EPRS1: variants seen among roughly 807,000 people sequenced by gnomAD.
EPRS1 encodes glutamyl-prolyl-tRNA synthetase 1.
In EPRS1, 107 loss-of-function variants were observed where a neutral mutation model predicts 188.3. That is an observed-to-expected ratio of 0.57 (90% CI 0.49 to 0.67). EPRS1 has a LOEUF of 0.67. Ranked by LOEUF, EPRS1 falls within the 30% of genes least tolerant of loss-of-function variation. The pLI is 0.00. For synonymous variants in EPRS1, 596 were observed against 593.1 expected (o/e 1.00, Z -0.07); for missense variants, 1,577 against 1,802.2 (o/e 0.88, Z 2.26).
intron 28 of EPRS1, among the ~76,000 whole-genome samples, chr1:219,975,845 T>A (rs201242785): frequency 0.46 from 69,985 of 151,956 alleles, 16,221 homozygotes; most frequent in South Asian, 0.52. Flanking sequence ...CATATCTGTA[T>A]GTGTGTATGG....
At position 220,019,099 on chromosome 1, in the gene EPRS1, A is replaced by C; in HGVS notation, c.1350-20T>G. On this transcript the variant is annotated intron_variant, in intron 10 of 31. Transcript: ENST00000366923. ...TCATCCCTGGAAATATGTAAATTTT[A>C]AGTACCAAGGAAATTTTGTAATGTG... is the stretch of plus-strand genomic sequence containing the variant. The C allele has an allele frequency of 6.6e-7, 1 of 1,513,480 alleles. No individual in the cohort carries two copies. Among genetic ancestry groups the C allele is most frequent in the Non-Finnish European group, 9.2e-7 (1 of 1,088,982 alleles). The allele number at this position is 1,513,480 out of a possible 1,614,324, so 93.8% of individuals were successfully genotyped here.
At chr1:220,017,867 A>C (rs2102587794) in intron 12 of EPRS1, among the ~76,000 whole-genome samples, 1 of 152,316 alleles carries the variant, frequency 6.6e-6, no homozygotes, top group African/African-American at 2.4e-5. Context: ...ACTCAATGAA[A>C]TACATACTTT....
intron 6 of EPRS1, among the ~76,000 whole-genome samples, chr1:220,026,539 T>G (rs572331106): frequency 4.0e-5 from 6 of 148,384 alleles, no homozygotes; most frequent in East Asian, 2.0e-4. Context: ...GTTTTGTTTG[T>G]TTTTTTTTTG....
chr1:220,007,152 T>C (rs758467359), intron 14 of EPRS1, 50 bp downstream of exon 14: 5 of 1,503,012 alleles, frequency 3.3e-6, no homozygotes, highest in Non-Finnish European at 4.5e-6. Flanking sequence ...TAAACACAAA[T>C]AAAATACTTT....
Position 219,987,122 on chromosome 1 carries a change from A to G in EPRS1, c.3038+20T>C. 1 of 1,587,368 alleles carries G rather than the reference A, an allele frequency of 6.3e-7. No homozygotes were observed. Among genetic ancestry groups the G allele is most frequent in the South Asian group, 1.2e-5 (1 of 85,674 alleles). ...TTAATTCACTGCTTTGCTTCAAATG[A>G]AGTTTCTGCGATTCATTACCTGGTC... On this transcript the variant is annotated intron_variant, in intron 20 of 31. Coordinates refer to ENST00000366923, the MANE Select transcript of EPRS1 (RefSeq NM_004446.3).
chr1:219,979,928 CAG>C (rs1351564812), intron 26 of EPRS1, among the ~76,000 whole-genome samples, 155 bp downstream of exon 26: 10 of 152,146 alleles, frequency 6.6e-5, no homozygotes, highest in Middle Eastern at 3.4e-3. Flanking sequence ...ACCATGGAGA[CAG>C]AGGAATGGGA....
intron 10 of EPRS1, among the ~76,000 whole-genome samples, chr1:220,019,330 A>G (rs1661809831): frequency 6.6e-6 from 1 of 152,210 alleles, no homozygotes; most frequent in African/African-American, 2.4e-5. Flanking sequence ...GAAAAAAAAG[A>G]CACAATGGTG....
At chr1:220,037,764 A>T (rs1662215126) in intron 2 of EPRS1, among the ~76,000 whole-genome samples, 1 of 152,200 alleles carries the variant, frequency 6.6e-6, no homozygotes, top group Admixed American at 6.5e-5. Context: ...CTGACTCCTA[A>T]GGGAAGATTC....
At position 220,014,885 on chromosome 1, in the gene EPRS1, T is replaced by C. The variant is rs371467342; in HGVS notation, c.1494+3564A>G. On this transcript the variant is annotated intron_variant, in intron 12 of 31. Transcript: ENST00000366923. ...CGTGAAAGAAACCAAAATAAACAAATTGGGGAGAAGAGACACTACTCTGCA... is the reference window on the plus strand; with the variant it reads ...CGTGAAAGAAACCAAAATAAACAAACTGGGGAGAAGAGACACTACTCTGCA... Among the ~76,000 whole-genome samples, 162 of 152,128 alleles carry C rather than the reference T, an allele frequency of 1.1e-3. 1 individual carries two copies. The highest frequency in any genetic ancestry group is 1.4e-3 in the East Asian group (7 of 5,168).
chr1:220,039,739 C>T (rs960481650), intron 2 of EPRS1, among the ~76,000 whole-genome samples: 3 of 152,080 alleles, frequency 2.0e-5, no homozygotes, highest in Non-Finnish European at 4.4e-5. Flanking sequence ...AGGATGGTCT[C>T]GATCTCCTGA....
rs1356883389 is a variant in EPRS1, at chr1:220,028,485, A to AC, written c.623+1900_623+1901insG. 5.9e-5 allele frequency among the ~76,000 whole-genome samples: 9 copies of AC among 151,672 alleles called. No homozygotes were observed. The East Asian group carries it at 1.7e-3, about 29-fold the overall frequency. ...CACACGCGCACACACACACACACAC[A>AC]AAAGAATCATGCTGCATGAGTTAGA... On this transcript the variant is annotated intron_variant, in intron 6 of 31. Coordinates refer to ENST00000366923, the MANE Select transcript of EPRS1 (RefSeq NM_004446.3).
chr1:220,006,077 G>T lies in EPRS1; in HGVS notation c.1950+29C>A, dbSNP rs148764363. ...TTTAATTCTAAAGGAAAATTTAAAAGGTGAAATATGGTTTCTTTGGAAGGT... is the reference window on the plus strand; with the variant it reads ...TTTAATTCTAAAGGAAAATTTAAAATGTGAAATATGGTTTCTTTGGAAGGT... On this transcript the variant is annotated intron_variant, in intron 15 of 31. Coordinates refer to ENST00000366923, the MANE Select transcript of EPRS1 (RefSeq NM_004446.3). 4.0e-4 allele frequency: 533 copies of T among 1,321,288 alleles called. No individual in the cohort carries two copies. In the African/African-American group the frequency reaches 6.3e-3, roughly 16 times the overall value. 81.8% of individuals were successfully genotyped at this position (1,321,288 alleles called of 1,614,324 possible).
intron 13 of EPRS1, among the ~76,000 whole-genome samples, chr1:220,010,093 C>CAAA (rs3055587): frequency 0.12 from 12,537 of 100,402 alleles, 1,147 homozygotes; most frequent in East Asian, 0.29. Context: ...GCAACTGTCT[C>CAAA]AAAAAAAAAA....
At chr1:219,979,992 A>AAG (rs34917248) in intron 26 of EPRS1, 93 bp downstream of exon 26, 1 of 1,084,456 alleles carries the variant, frequency 9.2e-7, no homozygotes, top group Admixed American at 2.5e-5. Context: ...TTATTTTTTA[A>AAG]GAGTCTACTT....
At chr1:220,040,345 G>A in intron 1 of EPRS1, 76 bp from the exon 2 acceptor site, 1 of 997,570 alleles carries the variant, frequency 1.0e-6, no homozygotes, top group Non-Finnish European at 1.6e-6. Flanking sequence ...AAGCAATCAG[G>A]ATGAGTCAAC....
At chr1:220,037,873 AAC>A (rs2102599425) in intron 2 of EPRS1, among the ~76,000 whole-genome samples, 1 of 152,324 alleles carries the variant, frequency 6.6e-6, no homozygotes, top group East Asian at 1.9e-4. Context: ...ATGGAAAACT[AAC>A]AGTTTTACAT....
chr1:220,024,497 C>A, intron 7 of EPRS1, 41 bp from the exon 8 acceptor site: 1 of 1,467,974 alleles, frequency 6.8e-7, no homozygotes, highest in South Asian at 1.3e-5. Flanking sequence ...ATATCTTTTG[C>A]ATTTTTTCGT....
intron 5 of EPRS1, 138 bp downstream of exon 5, chr1:220,032,249 T>C: frequency 1.6e-6 from 1 of 621,196 alleles, no homozygotes; most frequent in Admixed American, 4.0e-5. Context: ...TAATTTTTTT[T>C]TTTTTTTTGT....
At chr1:220,035,248 T>TCA (rs985341544) in intron 2 of EPRS1, among the ~76,000 whole-genome samples, 36 of 152,292 alleles carry the variant, frequency 2.4e-4, no homozygotes, top group African/African-American at 7.5e-4. Flanking sequence ...CCTCCAGGGT[T>TCA]CAAGCAATTC....
Sources: allele counts gnomAD v4.1 joint callset (sites outside exome capture counted in the v4.1 genomes callset), GRCh38; gene constraint gnomAD v4.1.1; transcripts MANE v1.5; gene names NCBI Gene and HGNC (gene_info 2026-07-23, HGNC 2026-07-21).